The following HS6ST3 variants were observed in gnomAD, a reference collection of about 807,000 sequenced individuals.
The protein encoded by HS6ST3 is heparan sulfate 6-O-sulfotransferase 3.
HS6ST3 carries 12 observed loss-of-function variants against 36.7 expected under a neutral mutation model. The ratio of observed to expected loss-of-function variants is 0.33; its 90% confidence interval spans 0.21 to 0.53. The LOEUF (loss-of-function observed/expected upper bound fraction) is 0.53. Ranked by LOEUF, HS6ST3 falls within the 20% of genes least tolerant of loss-of-function variation. HS6ST3 has a pLI of 0.95. For synonymous variants in HS6ST3, 240 were observed against 257.5 expected (o/e 0.93, Z 0.65); for missense variants, 584 against 640.9 (o/e 0.91, Z 0.96).
At chr13:96,650,078 G>A (rs2139011968) in intron 1 of HS6ST3, among the ~76,000 whole-genome samples, 1 of 151,896 alleles carries the variant, frequency 6.6e-6, no homozygotes, top group South Asian at 2.1e-4. Context: ...TCCTAGTAGG[G>A]CAGACCCTGA....
chr13:96,576,027 C>T (rs942285285), intron 1 of HS6ST3, among the ~76,000 whole-genome samples: 8 of 152,014 alleles, frequency 5.3e-5, no homozygotes, highest in African/African-American at 1.2e-4. Flanking sequence ...TGTGGCTTCC[C>T]GAAATGGGCA....
chr13:96,252,815 C>T (rs1156317908), intron 1 of HS6ST3, among the ~76,000 whole-genome samples: 1 of 151,930 alleles, frequency 6.6e-6, no homozygotes, highest in Non-Finnish European at 1.5e-5. Flanking sequence ...AAGTGTGGCA[C>T]CCCACCCCCA....
chr13:96,692,470 G>T (rs1874992009), intron 1 of HS6ST3, among the ~76,000 whole-genome samples: 1 of 152,042 alleles, frequency 6.6e-6, no homozygotes, highest in Non-Finnish European at 1.5e-5. Context: ...AATGTGAATG[G>T]AACCCACAGA....
At chr13:96,739,162 T>C (rs1464385694) in intron 1 of HS6ST3, among the ~76,000 whole-genome samples, 2 of 151,786 alleles carry the variant, frequency 1.3e-5, no homozygotes, top group Non-Finnish European at 2.9e-5. Flanking sequence ...CTACCAAGTG[T>C]TAGAGAATCC....
chr13:96,353,001 C>G (rs2055191181), intron 1 of HS6ST3, among the ~76,000 whole-genome samples: 1 of 150,066 alleles, frequency 6.7e-6, no homozygotes, highest in Non-Finnish European at 1.5e-5. Context: ...AAATCCTTAA[C>G]TCTAAGTGGA....
intron 1 of HS6ST3, among the ~76,000 whole-genome samples, chr13:96,341,398 A>T (rs1432808611): frequency 6.6e-6 from 1 of 152,220 alleles, no homozygotes; most frequent in African/African-American, 2.4e-5. Flanking sequence ...ATATATGTGC[A>T]TACATATATG....
intron 1 of HS6ST3, among the ~76,000 whole-genome samples, chr13:96,224,348 T>A (rs984665091): frequency 1.3e-5 from 2 of 152,106 alleles, no homozygotes; most frequent in Non-Finnish European, 2.9e-5. Flanking sequence ...TTTTTTTAAG[T>A]GTCTCTCCGT....
chr13:96,757,466 T>G (rs1015539536), intron 1 of HS6ST3, among the ~76,000 whole-genome samples: 8 of 152,160 alleles, frequency 5.3e-5, no homozygotes, highest in Non-Finnish European at 8.8e-5. Context: ...ATATCTGAGG[T>G]TTTTTTTAAA....
intron 1 of HS6ST3, among the ~76,000 whole-genome samples, chr13:96,271,966 A>G (rs1397152003): frequency 6.6e-6 from 1 of 151,986 alleles, no homozygotes; most frequent in Non-Finnish European, 1.5e-5. Context: ...CTGGCTCACT[A>G]ACATTAGCAC....
intron 1 of HS6ST3, among the ~76,000 whole-genome samples, chr13:96,135,978 G>A (rs1383114432): frequency 1.3e-5 from 2 of 152,126 alleles, no homozygotes; most frequent in Non-Finnish European, 2.9e-5. Context: ...TTCCACCGGT[G>A]GGCTCAGATA....
chr13:96,571,252 C>T (rs991090683), intron 1 of HS6ST3, among the ~76,000 whole-genome samples: 8 of 152,190 alleles, frequency 5.3e-5, no homozygotes, highest in Non-Finnish European at 1.0e-4. Flanking sequence ...GTCTGTTCAT[C>T]GTAATCTGCT....
intron 1 of HS6ST3, among the ~76,000 whole-genome samples, chr13:96,140,813 T>A (rs1207892911): frequency 1.3e-5 from 2 of 152,090 alleles, no homozygotes; most frequent in Admixed American, 6.6e-5. Context: ...GATTCTACTA[T>A]TGATTGAAGA....
chr13:96,594,947 CTTTA>C (rs1431245877), intron 1 of HS6ST3, among the ~76,000 whole-genome samples: 3 of 152,122 alleles, frequency 2.0e-5, no homozygotes, highest in Admixed American at 2.0e-4. Context: ...TTGGGAAAAT[CTTTA>C]TTTCTGATTC....
At chr13:96,521,362 T>C (rs999487227) in intron 1 of HS6ST3, among the ~76,000 whole-genome samples, 38 of 152,160 alleles carry the variant, frequency 2.5e-4, no homozygotes, top group Non-Finnish European at 4.3e-4. Context: ...ATGCTGGCCT[T>C]ATAAAATGAG....
chr13:96,277,220 C>T (rs2054752667), intron 1 of HS6ST3, among the ~76,000 whole-genome samples: 1 of 152,130 alleles, frequency 6.6e-6, no homozygotes, highest in African/African-American at 2.4e-5. Flanking sequence ...GTCCATGTAC[C>T]CAGTGAAGGA....
At chr13:96,196,501 T>C (rs2139348826) in intron 1 of HS6ST3, among the ~76,000 whole-genome samples, 1 of 152,308 alleles carries the variant, frequency 6.6e-6, no homozygotes, top group Middle Eastern at 3.4e-3. Context: ...TTGAGTCTTC[T>C]TTTGGACAGT....
chr13:96,202,211 C>G (rs1321307872), intron 1 of HS6ST3, among the ~76,000 whole-genome samples: 1 of 152,100 alleles, frequency 6.6e-6, no homozygotes, highest in Non-Finnish European at 1.5e-5. Context: ...ATGAATCACA[C>G]CAGATAACTG....
intron 1 of HS6ST3, among the ~76,000 whole-genome samples, chr13:96,334,276 C>A (rs1178161462): frequency 2.6e-5 from 4 of 151,980 alleles, no homozygotes; most frequent in Admixed American, 2.0e-4. Flanking sequence ...GGGGGTGGAT[C>A]CTCCCAATAG....
At chr13:96,605,882 C>CA (rs35530396) in intron 1 of HS6ST3, among the ~76,000 whole-genome samples, 16,451 of 92,108 alleles carry the variant, frequency 0.18, 1,636 homozygotes, top group African/African-American at 0.36. Flanking sequence ...AATTAACAAG[C>CA]AAAAAAAAAA....
Sources: allele counts gnomAD v4.1 joint callset (sites outside exome capture counted in the v4.1 genomes callset), GRCh38; gene constraint gnomAD v4.1.1; transcripts MANE v1.5; gene names NCBI Gene and HGNC (gene_info 2026-07-23, HGNC 2026-07-21).